Variants in ATG14 observed in about 807,000 individuals in gnomAD.
ATG14 encodes the protein beclin 1-associated autophagy-related key regulator.
ATG14 carries 35 observed loss-of-function variants against 60.4 expected under a neutral mutation model. That is an observed-to-expected ratio of 0.58 (90% CI 0.44 to 0.77). ATG14 has a LOEUF of 0.77. ATG14 is among the 30% of genes least tolerant of loss of function. The pLI, the probability that ATG14 is intolerant of heterozygous loss-of-function variation, is 0.00. For synonymous variants in ATG14, 234 were observed against 228.8 expected (o/e 1.02, Z -0.21); for missense variants, 647 against 626.3 (o/e 1.03, Z -0.35).
At chr14:55,385,097 TGTA>T (rs1169497798) in intron 5 of ATG14, among the ~76,000 whole-genome samples, 1 of 152,218 alleles carries the variant, frequency 6.6e-6, no homozygotes, top group Non-Finnish European at 1.5e-5. Flanking sequence ...TAAGCCAACA[TGTA>T]GTGCCCACCA....
intron 1 of ATG14, among the ~76,000 whole-genome samples, chr14:55,408,198 A>C (rs1410640039): frequency 6.6e-6 from 1 of 152,166 alleles, no homozygotes; most frequent in Non-Finnish European, 1.5e-5. Flanking sequence ...CACACCTGTA[A>C]TTCCCGCACT....
chr14:55,371,828 G>A (rs1040918273), intron 9 of ATG14, among the ~76,000 whole-genome samples: 4 of 151,900 alleles, frequency 2.6e-5, no homozygotes, highest in Admixed American at 1.3e-4. Flanking sequence ...AAAACAAAGA[G>A]CCCCTCAGAC....
intron 9 of ATG14, among the ~76,000 whole-genome samples, chr14:55,375,079 C>T (rs1884892366): frequency 6.6e-6 from 1 of 152,210 alleles, no homozygotes; most frequent in Admixed American, 6.5e-5. Context: ...CCTGGAAAAT[C>T]ATAAGGGTTT....
At chr14:55,405,551 A>G (rs1885474780) in intron 1 of ATG14, among the ~76,000 whole-genome samples, 1 of 152,232 alleles carries the variant, frequency 6.6e-6, no homozygotes, top group Non-Finnish European at 1.5e-5. Context: ...ACATTTCCCC[A>G]GGTATCCTTA....
intron 9 of ATG14, among the ~76,000 whole-genome samples, chr14:55,372,163 G>A (rs1209748128): frequency 2.0e-5 from 3 of 152,018 alleles, no homozygotes; most frequent in Non-Finnish European, 4.4e-5. Context: ...AACTTTAGCT[G>A]GCTGGGACTC....
intron 6 of ATG14, 32 bp from the exon 7 acceptor site, chr14:55,380,722 A>C: frequency 7.0e-7 from 1 of 1,433,220 alleles, no homozygotes; most frequent in Admixed American, 1.9e-5. Context: ...CATGTACAAA[A>C]CCTTAATTCC....
rs112865301 is a variant in ATG14 at position 55,377,517 on chromosome 14, G to A, written c.1172+302C>T. On this transcript the variant is annotated intron_variant, in intron 9 of 9. Coordinates refer to ENST00000247178, the MANE Select transcript of ATG14 (RefSeq NM_014924.5). ...GAGAAGAAATAGACGCAGATCCAAA[G>A]ACATGGCCTTTGGACTTCAGGAAAA... is the stretch of plus-strand genomic sequence containing the variant. 1.3e-5 allele frequency among the ~76,000 whole-genome samples: 2 copies of A among 152,228 alleles called. 1 individual carries two copies. The highest frequency in any genetic ancestry group is 4.8e-5 in the African/African-American group (2 of 41,538).
At chr14:55,400,304 C>T (rs1885376124) in intron 1 of ATG14, among the ~76,000 whole-genome samples, 1 of 152,148 alleles carries the variant, frequency 6.6e-6, no homozygotes, top group Non-Finnish European at 1.5e-5. Context: ...TTTAATGATA[C>T]ATATTATATA....
chr14:55,409,240 T>A (rs1885534391), intron 1 of ATG14, among the ~76,000 whole-genome samples: 1 of 152,226 alleles, frequency 6.6e-6, no homozygotes, highest in African/African-American at 2.4e-5. Flanking sequence ...CTGGCTTTAG[T>A]AACAAATGGA....
rs118072637 is a variant in ATG14 at position 55,379,133 on chromosome 14, T to C, written c.996-1059A>G. 2.4e-3 allele frequency among the ~76,000 whole-genome samples: 359 copies of C among 152,344 alleles called. 6 individuals carry two copies. The East Asian group carries it at 0.051, about 22-fold the overall frequency. The stretch of plus-strand genomic sequence containing the variant: ...AGCTCCAAGAGGGCAAGGATTATTT[T>C]TTTGTCACCAATGTACCCTCCAGTG... On this transcript the variant is annotated intron_variant, in intron 7 of 9. Transcript: ENST00000247178.
chr14:55,368,350 G>A lies in ATG14; in HGVS notation c.*1269C>T, dbSNP rs1884731800. 6.6e-6 allele frequency: 1 copy of A among 152,406 alleles called. No individual in the cohort carries two copies. Among genetic ancestry groups the A allele is most frequent in the Admixed American group, 6.5e-5 (1 of 15,288 alleles). The allele number at this position is 152,406 out of a possible 1,614,324, so 9.4% of individuals were successfully genotyped here. A position where few individuals can be genotyped will look rare whatever the true frequency, so the allele number is the denominator to read the frequency against. Reference sequence around the variant, plus strand: ...TTCTCCTGCCGCAGCCTCCCGAGTAGCTGGGATTACAGGCGTGCGCCACCA... The same window carrying A: ...TTCTCCTGCCGCAGCCTCCCGAGTAACTGGGATTACAGGCGTGCGCCACCA... On this transcript the variant is annotated 3_prime_UTR_variant, in exon 10 of 10. Transcript: ENST00000247178.
intron 7 of ATG14, among the ~76,000 whole-genome samples, chr14:55,380,012 C>T (rs976771555): frequency 1.3e-5 from 2 of 152,096 alleles, no homozygotes; most frequent in Admixed American, 6.6e-5. Flanking sequence ...TTTGGGAGAC[C>T]GAGGCAGGTG....
intron 9 of ATG14, among the ~76,000 whole-genome samples, chr14:55,372,711 CTCCT>C (rs141683602): frequency 0.058 from 8,821 of 151,962 alleles, 320 homozygotes; most frequent in South Asian, 0.089. Flanking sequence ...TTTACCACAG[CTCCT>C]TCCTTCTTTC....
In ATG14 at chr14:55,370,668, G is replaced by C. The variant is rs569841389; in HGVS notation, c.1173-743C>G. 2.6e-5 allele frequency among the ~76,000 whole-genome samples: 4 copies of C among 151,782 alleles called. No individual in the cohort carries two copies. The East Asian group carries it at 7.7e-4, about 29-fold the overall frequency. ...TTCTTTTTTTTTTTATTTAGACAGA[G>C]TCTCGTTCTGTTGCCCAGGCTGGAG... On this transcript the variant is annotated intron_variant, in intron 9 of 9. Coordinates refer to ENST00000247178, the MANE Select transcript of ATG14 (RefSeq NM_014924.5).
At chr14:55,378,853 G>C (rs1884971674) in intron 7 of ATG14, among the ~76,000 whole-genome samples, 1 of 152,038 alleles carries the variant, frequency 6.6e-6, no homozygotes, top group African/African-American at 2.4e-5. Context: ...CTATAGGTGT[G>C]TGTCACCACA....
At chr14:55,392,847 C>T (rs1237458969) in intron 3 of ATG14, among the ~76,000 whole-genome samples, 1 of 152,032 alleles carries the variant, frequency 6.6e-6, no homozygotes, top group East Asian at 1.9e-4. Context: ...TCTAACATCT[C>T]GAATAGAGTC....
At chr14:55,404,083 A>C (rs769202899) in intron 1 of ATG14, among the ~76,000 whole-genome samples, 1 of 152,200 alleles carries the variant, frequency 6.6e-6, no homozygotes, top group Non-Finnish European at 1.5e-5. Context: ...CCTGGATTAT[A>C]TAATTTACTT....
At chr14:55,405,122 G>A (rs1033472907) in intron 1 of ATG14, among the ~76,000 whole-genome samples, 4 of 152,196 alleles carry the variant, frequency 2.6e-5, no homozygotes, top group East Asian at 1.9e-4. Context: ...TGAAACAGTC[G>A]TAAGGCTGAT....
chr14:55,372,457 C>T (rs964365829), intron 9 of ATG14, among the ~76,000 whole-genome samples: 3 of 152,188 alleles, frequency 2.0e-5, no homozygotes, highest in African/African-American at 7.2e-5. Context: ...GACCTCAGAA[C>T]TGACTGCCAG....
Sources: allele counts gnomAD v4.1 joint callset (sites outside exome capture counted in the v4.1 genomes callset), GRCh38; gene constraint gnomAD v4.1.1; transcripts MANE v1.5; gene names NCBI Gene and HGNC (gene_info 2026-07-23, HGNC 2026-07-21).